Variants in PPP2R5E observed in about 807,000 individuals in gnomAD.
PPP2R5E encodes protein phosphatase 2 regulatory subunit B'epsilon, also known as serine/threonine-protein phosphatase 2A 56 kDa regulatory subunit epsilon isoform.
Under a neutral mutation model 65.3 loss-of-function variants are expected in PPP2R5E, and 4 were observed. That is an observed-to-expected ratio of 0.06 (90% CI 0.03 to 0.14). The LOEUF (loss-of-function observed/expected upper bound fraction) is 0.14, where lower values mean the gene tolerates loss of function less well. Ranked by LOEUF, PPP2R5E falls within the 10% of genes least tolerant of loss-of-function variation. PPP2R5E has a pLI of 1.00. For missense variants in PPP2R5E, 274 were observed against 556.1 expected (o/e 0.49, Z 5.10); for synonymous variants, 183 against 187.4 (o/e 0.98, Z 0.19).
intron 3 of PPP2R5E, among the ~76,000 whole-genome samples, chr14:63,441,823 C>T (rs746840504): frequency 3.3e-5 from 5 of 150,844 alleles, no homozygotes; most frequent in Admixed American, 1.3e-4. Flanking sequence ...GGCAGGAGAA[C>T]GCCATGAACC....
intron 3 of PPP2R5E, among the ~76,000 whole-genome samples, chr14:63,428,184 GCA>G (rs1165530513): frequency 6.6e-6 from 1 of 152,096 alleles, no homozygotes; most frequent in Admixed American, 6.5e-5. Flanking sequence ...CTTGATTACT[GCA>G]CAGTTTCCTT....
At chr14:63,499,354 G>T (rs150761500) in intron 2 of PPP2R5E, among the ~76,000 whole-genome samples, 1 of 152,278 alleles carries the variant, frequency 6.6e-6, no homozygotes, top group African/African-American at 2.4e-5. Flanking sequence ...GCAGTAATAA[G>T]GATGAGAAAA....
intron 2 of PPP2R5E, among the ~76,000 whole-genome samples, chr14:63,530,115 T>C (rs1893350805): frequency 6.6e-6 from 1 of 151,406 alleles, no homozygotes; most frequent in South Asian, 2.1e-4. Flanking sequence ...AGAATGCACA[T>C]ACACAGAAAC....
At chr14:63,445,437 C>A (rs1379575333) in intron 3 of PPP2R5E, among the ~76,000 whole-genome samples, 1 of 152,190 alleles carries the variant, frequency 6.6e-6, no homozygotes, top group African/African-American at 2.4e-5. Context: ...GAGCCTTTAG[C>A]GAGTTGTAAT....
intron 2 of PPP2R5E, among the ~76,000 whole-genome samples, chr14:63,479,884 C>T (rs944486805): frequency 4.6e-5 from 7 of 152,096 alleles, no homozygotes; most frequent in Non-Finnish European, 7.4e-5. Flanking sequence ...TAAAAGAATG[C>T]CTTATTTTGT....
chr14:63,465,665 A>T (rs1889760647), intron 2 of PPP2R5E, among the ~76,000 whole-genome samples: 1 of 152,188 alleles, frequency 6.6e-6, no homozygotes, highest in South Asian at 2.1e-4. Flanking sequence ...ATTTTTTGTT[A>T]AAATTTTATT....
intron 4 of PPP2R5E, among the ~76,000 whole-genome samples, chr14:63,417,114 C>G (rs564779383): frequency 6.6e-6 from 1 of 152,276 alleles, no homozygotes; most frequent in East Asian, 1.9e-4. Flanking sequence ...GGATCTTTAT[C>G]CATGCATGCT....
chr14:63,443,823 C>G (rs1470728302), intron 3 of PPP2R5E, among the ~76,000 whole-genome samples: 1 of 152,176 alleles, frequency 6.6e-6, no homozygotes, highest in Non-Finnish European at 1.5e-5. Flanking sequence ...CTCTCTCACA[C>G]TCCAAAAGTT....
intron 3 of PPP2R5E, among the ~76,000 whole-genome samples, chr14:63,442,573 CAGAG>C (rs369565052): frequency 1.5e-4 from 23 of 152,082 alleles, no homozygotes; most frequent in African/African-American, 4.1e-4. Flanking sequence ...GAGAGAGAGA[CAGAG>C]AGAGAGACAC....
At chr14:63,406,651 T>G (rs1407504784) in intron 5 of PPP2R5E, among the ~76,000 whole-genome samples, 1 of 152,200 alleles carries the variant, frequency 6.6e-6, no homozygotes, top group East Asian at 1.9e-4. Flanking sequence ...TTGTCTGTCC[T>G]CTGTAAAGAT....
intron 6 of PPP2R5E, among the ~76,000 whole-genome samples, 182 bp downstream of exon 6, chr14:63,396,404 T>C (rs1242083600): frequency 3.6e-5 from 1 of 28,152 alleles, no homozygotes; most frequent in African/African-American, 1.5e-4. Flanking sequence ...GAGGAGAAGA[T>C]GGGGGAGGAG....
At position 63,471,224 on chromosome 14, in the gene PPP2R5E, C is replaced by G. The variant is rs17225301; in HGVS notation, c.158-17339G>C. On this transcript the variant is annotated intron_variant, in intron 2 of 13. Transcript: ENST00000337537. ...CTTATGTATAGATTGTTCATAGACC[C>G]AGATGGGCCAGAAGAACCTCATTCA... Among the ~76,000 whole-genome samples, 1,224 of 152,254 alleles carry G rather than the reference C, an allele frequency of 8.0e-3. 44 individuals are homozygous for G. In the East Asian group the frequency reaches 0.11, roughly 14 times the overall value.
Position 63,423,290 on chromosome 14 carries a change from T to A in PPP2R5E, c.355-1196A>T, listed in dbSNP as rs147678379. Among the ~76,000 whole-genome samples, 571 of 152,196 alleles carry A rather than the reference T, an allele frequency of 3.8e-3. 3 individuals carry two copies. Among genetic ancestry groups the A allele is most frequent in the African/African-American group, 0.013 (539 of 41,536 alleles). ...TTTGTATTTTTAAGTAGAAACCAGG[T>A]TTCACCATGTTGGTCAGGCTAGTCT... On this transcript the variant is annotated intron_variant, in intron 3 of 13. Coordinates refer to ENST00000337537, the MANE Select transcript of PPP2R5E (RefSeq NM_006246.5).
intron 2 of PPP2R5E, among the ~76,000 whole-genome samples, chr14:63,513,258 T>C (rs561630364): frequency 2.1e-4 from 32 of 152,336 alleles, no homozygotes; most frequent in South Asian, 1.7e-3. Context: ...CTCAGGATCA[T>C]GCACTGGTGT....
At chr14:63,433,789 A>G (rs1048689600) in intron 3 of PPP2R5E, among the ~76,000 whole-genome samples, 2 of 152,070 alleles carry the variant, frequency 1.3e-5, no homozygotes, top group African/African-American at 4.8e-5. Context: ...TTTCCAGCGA[A>G]TCTCCTGTTT....
intron 2 of PPP2R5E, among the ~76,000 whole-genome samples, chr14:63,490,654 T>C (rs915947386): frequency 2.0e-5 from 3 of 151,954 alleles, no homozygotes; most frequent in African/African-American, 7.3e-5. Context: ...TCACTAATCA[T>C]CAGGGAAATG....
chr14:63,463,201 A>G (rs983773244), intron 2 of PPP2R5E, among the ~76,000 whole-genome samples: 2 of 149,926 alleles, frequency 1.3e-5, no homozygotes, highest in Admixed American at 6.6e-5. Flanking sequence ...AGGCAATGGC[A>G]CAATCTCTGC....
At chr14:63,380,553 T>C (rs1172674805) in intron 13 of PPP2R5E, among the ~76,000 whole-genome samples, 1 of 151,886 alleles carries the variant, frequency 6.6e-6, no homozygotes, top group South Asian at 2.1e-4. Flanking sequence ...TCCCAGCTAC[T>C]TAGGAGGCTG....
At chr14:63,532,956 C>T (rs1239526669) in intron 2 of PPP2R5E, among the ~76,000 whole-genome samples, 1 of 152,158 alleles carries the variant, frequency 6.6e-6, no homozygotes, top group Non-Finnish European at 1.5e-5. Context: ...CTCAGCCTTC[C>T]AAGTACCTAG....
Sources: allele counts gnomAD v4.1 joint callset (sites outside exome capture counted in the v4.1 genomes callset), GRCh38; gene constraint gnomAD v4.1.1; transcripts MANE v1.5; gene names NCBI Gene and HGNC (gene_info 2026-07-23, HGNC 2026-07-21).